SPAG17: variants seen among roughly 807,000 people sequenced by gnomAD.
SPAG17 encodes sperm-associated antigen 17.
In SPAG17, 169 loss-of-function variants were observed where a neutral mutation model predicts 273.6. That is an observed-to-expected ratio of 0.62 (90% CI 0.55 to 0.70). SPAG17 has a LOEUF of 0.70. SPAG17 is among the 30% of genes least tolerant of loss of function. The pLI is 0.00. For missense variants in SPAG17, 2,557 were observed against 2,627.8 expected (o/e 0.97, Z 0.59); for synonymous variants, 825 against 873.2 (o/e 0.94, Z 0.97).
intron 28 of SPAG17, 122 bp from the exon 29 acceptor site, chr1:118,016,304 G>A (rs1297031261): frequency 1.1e-5 from 8 of 715,922 alleles, no homozygotes; most frequent in Non-Finnish European, 1.4e-5. Flanking sequence ...ACAATTCTAA[G>A]TGGTATTCAT....
chr1:118,080,975 A>G (rs1198416674), intron 15 of SPAG17, 126 bp downstream of exon 15: 1 of 744,544 alleles, frequency 1.3e-6, no homozygotes, highest in Non-Finnish European at 2.2e-6. Flanking sequence ...ATACTCAGTA[A>G]GAAAGTTTAA....
chr1:118,006,157 G>A (rs145902936), intron 31 of SPAG17, among the ~76,000 whole-genome samples: 26 of 152,220 alleles, frequency 1.7e-4, no homozygotes, highest in Admixed American at 7.9e-4. Flanking sequence ...GTATAATTCC[G>A]TGGGTTTTAG....
At chr1:118,159,711 A>T (rs1207018661) in intron 1 of SPAG17, among the ~76,000 whole-genome samples, 1 of 152,096 alleles carries the variant, frequency 6.6e-6, no homozygotes, top group Non-Finnish European at 1.5e-5. Flanking sequence ...TTCGTTTTTC[A>T]CAGAGTTCTT....
intron 3 of SPAG17, among the ~76,000 whole-genome samples, chr1:118,120,642 G>T (rs572244910): frequency 6.6e-6 from 1 of 152,308 alleles, no homozygotes; most frequent in South Asian, 2.1e-4. Context: ...GATATTGCTT[G>T]TGGCCACACA....
At chr1:118,064,670 G>A (rs1239576271) in intron 18 of SPAG17, among the ~76,000 whole-genome samples, 1 of 149,970 alleles carries the variant, frequency 6.7e-6, no homozygotes, top group East Asian at 2.0e-4. Flanking sequence ...ACACCAACAT[G>A]GCACATGTAT....
intron 3 of SPAG17, among the ~76,000 whole-genome samples, chr1:118,123,333 C>T (rs1657527073): frequency 6.6e-6 from 1 of 151,660 alleles, no homozygotes; most frequent in Non-Finnish European, 1.5e-5. Flanking sequence ...GGAAAAACAG[C>T]TGAAAGGATA....
chr1:117,973,886 C>G (rs909680938), intron 43 of SPAG17, among the ~76,000 whole-genome samples: 1 of 152,012 alleles, frequency 6.6e-6, no homozygotes, highest in Non-Finnish European at 1.5e-5. Context: ...CATGAGTGTC[C>G]AAGATTTAGC....
At chr1:118,116,762 G>A (rs1186402922) in intron 3 of SPAG17, among the ~76,000 whole-genome samples, 1 of 152,188 alleles carries the variant, frequency 6.6e-6, no homozygotes, top group Non-Finnish European at 1.5e-5. Flanking sequence ...CTTTAAAGCT[G>A]CCTTTTCTAA....
intron 7 of SPAG17, 58 bp downstream of exon 7, chr1:118,097,612 A>G: frequency 1.5e-6 from 2 of 1,375,448 alleles, no homozygotes. Context: ...AAATGGAGCA[A>G]ATAGAACCAC....
At chr1:118,100,232 G>T (rs893971215) in intron 5 of SPAG17, among the ~76,000 whole-genome samples, 2 of 152,196 alleles carry the variant, frequency 1.3e-5, no homozygotes, top group Non-Finnish European at 2.9e-5. Context: ...GGGAAATAAT[G>T]AATATGGACA....
At position 118,040,835 on chromosome 1, in the gene SPAG17, C is replaced by T. The variant is rs150261740; in HGVS notation, c.3061G>A (p.Gly1021Arg). The T allele has an allele frequency of 6.4e-5, 99 of 1,555,624 alleles. No individual in the cohort carries two copies. The African/African-American group carries it at 1.2e-3, about 18-fold the overall frequency. The change falls in exon 22 of 49, where the codon GGA becomes AGA. Residue 1021 changes from glycine (G) to arginine (R), a missense_variant. Physicochemically the swap from Gly to Arg is moderately radical, Grantham distance 125 (BLOSUM62 -2). Coordinates refer to ENST00000336338, the MANE Select transcript of SPAG17 (RefSeq NM_206996.4). ...GTGGGTATATTTCCCATATTGTATC[C>T]GTGAAACTAGAAGAGAAAATATTAT... ...PEPKITYPFH[G>R]YNMGNIPTQI...
At chr1:118,072,752 A>T (rs1390580429) in intron 17 of SPAG17, among the ~76,000 whole-genome samples, 3 of 152,114 alleles carry the variant, frequency 2.0e-5, no homozygotes, top group African/African-American at 4.8e-5. Context: ...AAAAATTACG[A>T]TATTGTTAAC....
At chr1:118,082,846 G>A (rs1570657957) in intron 13 of SPAG17, among the ~76,000 whole-genome samples, 1 of 152,172 alleles carries the variant, frequency 6.6e-6, no homozygotes, top group Admixed American at 6.5e-5. Flanking sequence ...AGTGACTGAG[G>A]AAGGGAAAAC....
chr1:117,984,182 A>G (rs1454637860), intron 41 of SPAG17, among the ~76,000 whole-genome samples: 1 of 152,204 alleles, frequency 6.6e-6, no homozygotes, highest in Admixed American at 6.5e-5. Context: ...GGTTTTAATG[A>G]ACTTTTGGCC....
At chr1:118,127,591 CATG>C (rs1292034415) in intron 3 of SPAG17, among the ~76,000 whole-genome samples, 1 of 152,198 alleles carries the variant, frequency 6.6e-6, no homozygotes, top group Non-Finnish European at 1.5e-5. Flanking sequence ...TATATTTCAA[CATG>C]ATATTTGGGT....
chr1:118,164,940 C>T (rs1332760995), intron 1 of SPAG17, among the ~76,000 whole-genome samples: 1 of 152,168 alleles, frequency 6.6e-6, no homozygotes, highest in Non-Finnish European at 1.5e-5. Context: ...ATTTCAAACA[C>T]GTCCTGTGTT....
At chr1:118,069,033 G>A (rs1425774035) in intron 17 of SPAG17, among the ~76,000 whole-genome samples, 1 of 152,082 alleles carries the variant, frequency 6.6e-6, no homozygotes, top group Non-Finnish European at 1.5e-5. Context: ...ATATTGTGGT[G>A]GAATTAGAGG....
At chr1:118,040,640 C>T (rs1425700757) in intron 22 of SPAG17, 90 bp downstream of exon 22, 5 of 816,042 alleles carry the variant, frequency 6.1e-6, no homozygotes, top group East Asian at 5.1e-5. Flanking sequence ...ATAACACTCT[C>T]GCCTATCAAA....
intron 16 of SPAG17, 74 bp from the exon 17 acceptor site, chr1:118,074,041 A>G (rs538445041): frequency 6.3e-6 from 6 of 948,904 alleles, no homozygotes; most frequent in Admixed American, 2.6e-5. Flanking sequence ...GGCTCCGTCA[A>G]CTAACCAGTA....
Sources: gnomAD v4.1 joint callset for allele counts (sites outside exome capture counted in the v4.1 genomes callset) on GRCh38, gnomAD v4.1.1 for gene constraint, MANE v1.5 for transcripts, NCBI Gene and HGNC (gene_info 2026-07-23, HGNC 2026-07-21) for gene names.